ADAMTS9: variants seen among roughly 807,000 people sequenced by gnomAD.
The protein encoded by ADAMTS9 is ADAM metallopeptidase with thrombospondin type 1 motif 9.
Under a neutral mutation model 257.1 loss-of-function variants are expected in ADAMTS9, and 107 were observed. That is an observed-to-expected ratio of 0.42 (90% CI 0.36 to 0.49). The LOEUF is 0.49. ADAMTS9 is among the 20% of genes least tolerant of loss of function. The probability of loss-of-function intolerance (pLI) is 0.03; values close to 1 mark genes in which losing one functional copy is unlikely to be tolerated. For synonymous variants in ADAMTS9, 982 were observed against 880.9 expected (o/e 1.11, Z -2.03); for missense variants, 2,353 against 2,469.1 (o/e 0.95, Z 1.00).
chr3:64,546,336 C>T (rs1037448180), intron 32 of ADAMTS9, among the ~76,000 whole-genome samples: 2 of 152,080 alleles, frequency 1.3e-5, no homozygotes, highest in East Asian at 1.9e-4. Flanking sequence ...AGGAACATTT[C>T]ATTATGGTGT....
intron 38 of ADAMTS9, among the ~76,000 whole-genome samples, chr3:64,526,815 T>C (rs1434081703): frequency 6.6e-6 from 1 of 152,206 alleles, no homozygotes; most frequent in African/African-American, 2.4e-5. Flanking sequence ...GCATGTAATG[T>C]GCTTAGCATA....
At chr3:64,657,192 G>A (rs1461130579) in intron 4 of ADAMTS9, among the ~76,000 whole-genome samples, 2 of 152,136 alleles carry the variant, frequency 1.3e-5, no homozygotes, top group South Asian at 2.1e-4. Context: ...CTAGTACGTG[G>A]CTAGCTCAAA....
chr3:64,646,118 T>C (rs977144606), intron 11 of ADAMTS9, among the ~76,000 whole-genome samples: 2 of 152,222 alleles, frequency 1.3e-5, no homozygotes, highest in Non-Finnish European at 1.5e-5. Flanking sequence ...GAAATAGACA[T>C]AGTGGGTGGA....
chr3:64,623,484 G>C (rs7653659), intron 16 of ADAMTS9, among the ~76,000 whole-genome samples: 34 of 152,236 alleles, frequency 2.2e-4, no homozygotes, highest in African/African-American at 7.9e-4. Flanking sequence ...CTGCCATCTT[G>C]ACTACAACCT....
At chr3:64,561,335 T>C (rs2083418210) in intron 30 of ADAMTS9, 3 of 332,364 alleles carry the variant, frequency 9.0e-6, no homozygotes, top group Non-Finnish European at 1.6e-5. Flanking sequence ...TTTTTTTTTT[T>C]TTTGAGGCGG....
intron 19 of ADAMTS9, among the ~76,000 whole-genome samples, chr3:64,619,082 G>A (rs1256975855): frequency 6.6e-6 from 1 of 152,106 alleles, no homozygotes; most frequent in Non-Finnish European, 1.5e-5. Flanking sequence ...TAAAAAGAGG[G>A]TTCTTAAAGA....
chr3:64,556,756 C>CCTTCCTT (rs1450917262), intron 30 of ADAMTS9, among the ~76,000 whole-genome samples: 110 of 60,406 alleles, frequency 1.8e-3, no homozygotes, highest in Non-Finnish European at 3.1e-3. Flanking sequence ...CTTCCTTCCT[C>CCTTCCTT]CCTCCCTTTC....
At chr3:64,585,803 A>G (rs922786310) in intron 28 of ADAMTS9, among the ~76,000 whole-genome samples, 1 of 152,140 alleles carries the variant, frequency 6.6e-6, no homozygotes, top group Non-Finnish European at 1.5e-5. Flanking sequence ...TTTTCTTAAA[A>G]TCTTCTGAAA....
intron 9 of ADAMTS9, 81 bp from the exon 10 acceptor site, chr3:64,649,859 C>T: frequency 6.8e-7 from 1 of 1,474,382 alleles, no homozygotes; most frequent in Non-Finnish European, 9.2e-7. Context: ...AAGGCCACCC[C>T]ACCATTGTAA....
In ADAMTS9 at chr3:64,607,013, A is replaced by T. The variant is rs200191187; in HGVS notation, c.3421T>A (p.Ser1141Thr). The change falls in exon 23 of 40, where the codon TCA (serine) becomes ACA (threonine). Residue 1141 changes from serine to threonine, a missense_variant. By Grantham distance (58) the Ser-to-Thr change is moderately conservative. Around this residue, in one of 3 missense-constraint regions of ADAMTS9, gnomAD observed 1,402 missense variants for 1,441.4 expected, o/e 0.97. Coordinates refer to ENST00000498707, the MANE Select transcript of ADAMTS9 (RefSeq NM_182920.2). ...TTACAGTCATTGTCATCTACCACTGACATATAAGTCCCAATGATGCATTTC... is the reference window on the plus strand; with the variant it reads ...TTACAGTCATTGTCATCTACCACTGTCATATAAGTCCCAATGATGCATTTC... ...AVKCIIGTYM[S>T]VVDDNDCNAA... is the part of the protein sequence containing the mutation. The T allele has an allele frequency of 3.7e-6, 6 of 1,613,924 alleles. No individual in the cohort carries two copies. The Middle Eastern group carries it at 6.6e-4, about 177-fold the overall frequency.
rs1473781174 is a variant in ADAMTS9 at position 64,604,319 on chromosome 3, G to C, written c.3487C>G (p.Pro1163Ala). The change falls in exon 24 of 40, where the codon CCA becomes GCA. Residue 1163 changes from proline (P) to alanine (A), a missense_variant. Coordinates refer to ENST00000498707, the MANE Select transcript of ADAMTS9 (RefSeq NM_182920.2). ...GCAGCTGGGGGAGGATGACATGATG[G>C]TAATTCACAGTCCTAGACGTGATGG... ...RPTDTQDCEL[P>A]SCHPPPAAPE... 23 of 1,610,398 alleles carry C rather than the reference G, an allele frequency of 1.4e-5. No homozygotes were observed. Among genetic ancestry groups the C allele is most frequent in the Non-Finnish European group, 1.9e-5 (22 of 1,178,542 alleles).
At chr3:64,641,264 CTTTT>C (rs529535981) in intron 12 of ADAMTS9, among the ~76,000 whole-genome samples, 3 of 144,208 alleles carry the variant, frequency 2.1e-5, no homozygotes, top group East Asian at 2.1e-4. Flanking sequence ...TTTTTGCCTG[CTTTT>C]TTTTTGTTTT....
At chr3:64,642,389 A>C (rs1309846207) in intron 11 of ADAMTS9, among the ~76,000 whole-genome samples, 1 of 152,178 alleles carries the variant, frequency 6.6e-6, no homozygotes, top group Non-Finnish European at 1.5e-5. Flanking sequence ...GAGAAGTTAC[A>C]AGTCTGGTAA....
intron 23 of ADAMTS9, among the ~76,000 whole-genome samples, chr3:64,605,798 T>G (rs1432388298): frequency 2.0e-5 from 3 of 152,212 alleles, no homozygotes; most frequent in Non-Finnish European, 4.4e-5. Context: ...ATTACATGCA[T>G]GTACATACAC....
At chr3:64,604,850 A>G (rs2084530080) in intron 23 of ADAMTS9, among the ~76,000 whole-genome samples, 2 of 152,256 alleles carry the variant, frequency 1.3e-5, no homozygotes, top group Admixed American at 6.5e-5. Context: ...TGGACTTCAT[A>G]TAACACCCCT....
intron 10 of ADAMTS9, among the ~76,000 whole-genome samples, chr3:64,649,286 G>A (rs774396425): frequency 2.0e-5 from 3 of 152,098 alleles, no homozygotes; most frequent in Admixed American, 1.3e-4. Context: ...TGGACAAGTC[G>A]AAGGGCATTA....
intron 28 of ADAMTS9, among the ~76,000 whole-genome samples, chr3:64,577,148 A>C (rs1225697140): frequency 1.3e-5 from 2 of 152,222 alleles, no homozygotes. Context: ...CTTTCCCATC[A>C]AGAAAGAAAC....
chr3:64,650,887 C>A, intron 9 of ADAMTS9, 130 bp downstream of exon 9: 3 of 736,626 alleles, frequency 4.1e-6, no homozygotes, highest in Non-Finnish European at 3.9e-6. Flanking sequence ...TTTTTTTTGC[C>A]TTCTCCAAGG....
rs148893373 is a variant in ADAMTS9, at chr3:64,679,430, T to C, written c.679+1771A>G. ...AAATCTCAGCTCCTTTTCCAGGTAT[T>C]ATACAACAGAGTTAGGAATGGTAAC... is the stretch of plus-strand genomic sequence containing the variant. On this transcript the variant is annotated intron_variant, in intron 3 of 39. Coordinates refer to ENST00000498707, the MANE Select transcript of ADAMTS9 (RefSeq NM_182920.2). Among the ~76,000 whole-genome samples, 1,015 of 152,320 alleles carry C rather than the reference T, an allele frequency of 6.7e-3. 15 individuals carry two copies. The highest frequency in any genetic ancestry group is 0.023 in the African/African-American group (949 of 41,576).
Sources: allele counts gnomAD v4.1 joint callset (sites outside exome capture counted in the v4.1 genomes callset), GRCh38; gene constraint gnomAD v4.1.1; regional missense constraint gnomAD v4.1.1; transcripts MANE v1.5; gene names NCBI Gene and HGNC (gene_info 2026-07-23, HGNC 2026-07-21).